Variants in WNT7A observed in about 807,000 individuals in gnomAD.
The protein encoded by WNT7A is protein Wnt-7a.
A neutral mutation model predicts 28.2 loss-of-function variants in WNT7A; 16 were observed. The ratio of observed to expected loss-of-function variants is 0.57; its 90% CI spans 0.38 to 0.86. The LOEUF is 0.86. WNT7A is among the 40% of genes least tolerant of loss of function. The pLI is 0.00. For missense variants in WNT7A, 411 were observed against 489.7 expected (o/e 0.84, Z 1.52); for synonymous variants, 190 against 195.9 (o/e 0.97, Z 0.25).
At chr3:13,850,962 A>G (rs1694627123) in intron 3 of WNT7A, among the ~76,000 whole-genome samples, 3 of 152,052 alleles carry the variant, frequency 2.0e-5, no homozygotes, top group Admixed American at 6.5e-5. Context: ...CCATTTGCCC[A>G]GGCTGTGGCC....
intron 2 of WNT7A, among the ~76,000 whole-genome samples, chr3:13,866,083 TG>T (rs901502902): frequency 2.0e-5 from 3 of 152,182 alleles, no homozygotes; most frequent in Non-Finnish European, 4.4e-5. Context: ...ATCACTCAGC[TG>T]CATCTCCCAA....
intron 3 of WNT7A, among the ~76,000 whole-genome samples, chr3:13,853,112 C>T (rs1249301633): frequency 7.3e-6 from 1 of 137,474 alleles, no homozygotes; most frequent in African/African-American, 2.8e-5. Flanking sequence ...ACAGTGGCTC[C>T]CCAGCAACCA....
intron 3 of WNT7A, among the ~76,000 whole-genome samples, chr3:13,848,231 T>G (rs2124851853): frequency 6.6e-6 from 1 of 152,308 alleles, no homozygotes; most frequent in South Asian, 2.1e-4. Context: ...CAGTTAAAAC[T>G]TATCAAGGTT....
intron 3 of WNT7A, among the ~76,000 whole-genome samples, chr3:13,827,483 G>A (rs936251306): frequency 2.6e-5 from 4 of 152,200 alleles, no homozygotes; most frequent in African/African-American, 9.7e-5. Context: ...ATTACTCAGG[G>A]TGGGGTTCTC....
intron 3 of WNT7A, among the ~76,000 whole-genome samples, chr3:13,851,046 C>A (rs17038710): frequency 0.16 from 24,259 of 152,102 alleles, 2,591 homozygotes; most frequent in East Asian, 0.53. Flanking sequence ...TCCATTACGA[C>A]CCTGTTCCTC....
chr3:13,868,572 G>A (rs1694948819), intron 2 of WNT7A, among the ~76,000 whole-genome samples: 1 of 21,492 alleles, frequency 4.7e-5, no homozygotes, highest in Non-Finnish European at 7.5e-5. Flanking sequence ...GAGAGAGAGA[G>A]AGAGAGAGAG....
rs748441283 is a variant in WNT7A at position 13,819,103 on chromosome 3, C to A, written c.891G>T (p.Thr297=). Reference sequence around the variant, plus strand: ...GGTCACAGCCGCTGGCCTGGGGAGCCGTCTTGTTGCAGGCGCGGCCCTGGG... The same window carrying A: ...GGTCACAGCCGCTGGCCTGGGGAGCAGTCTTGTTGCAGGCGCGGCCCTGGG... ...VGTQGRACNK[T]APQASGCDLM... Residue 297 remains threonine (T), a synonymous_variant, in exon 4 of 4, where the codon ACG becomes ACT. Coordinates refer to ENST00000285018, the MANE Select transcript of WNT7A (RefSeq NM_004625.4). 6.2e-7 allele frequency: 1 copy of A among 1,614,128 alleles called. No homozygotes were observed. The highest frequency in any genetic ancestry group is 8.5e-7 in the Non-Finnish European group (1 of 1,180,014).
Position 13,854,744 on chromosome 3 carries a change from T to C in WNT7A, c.358A>G (p.Thr120Ala), listed in dbSNP as rs756069978. Reference sequence around the variant, plus strand: ...AGGTTGCCCTGGGTACAGGCAGCTGTGATGGCGTGGGCCACGCCGGCGGCA... The same window carrying C: ...AGGTTGCCCTGGGTACAGGCAGCTGCGATGGCGTGGGCCACGCCGGCGGCA... The part of the protein sequence containing the change: ...IIAAGVAHAI[T>A]AACTQGNLSD... The change falls in exon 3 of 4, where the codon ACA becomes GCA. Residue 120 changes from threonine to alanine, a missense_variant. By Grantham distance (58) the Thr-to-Ala change is moderately conservative. Coordinates refer to ENST00000285018, the MANE Select transcript of WNT7A (RefSeq NM_004625.4). 2.5e-6 allele frequency: 4 copies of C among 1,613,934 alleles called. No homozygotes were observed. The Admixed American group carries it at 6.7e-5, about 27-fold the overall frequency.
intron 2 of WNT7A, among the ~76,000 whole-genome samples, chr3:13,872,166 G>T (rs1381629434): frequency 6.6e-6 from 1 of 152,128 alleles, no homozygotes; most frequent in Admixed American, 6.5e-5. Flanking sequence ...CTTGGTGAAT[G>T]CATGAATAAA....
At chr3:13,822,015 A>G (rs1263239943) in intron 3 of WNT7A, among the ~76,000 whole-genome samples, 1 of 152,266 alleles carries the variant, frequency 6.6e-6, no homozygotes, top group African/African-American at 2.4e-5. Flanking sequence ...ACTGGTCCCC[A>G]GGGAAAGGCA....
At chr3:13,873,149 C>T (rs779704168) in intron 2 of WNT7A, among the ~76,000 whole-genome samples, 3 of 151,998 alleles carry the variant, frequency 2.0e-5, no homozygotes, top group Non-Finnish European at 1.5e-5. Flanking sequence ...CTATGTGACC[C>T]GGGACAGTCC....
chr3:13,845,849 G>A lies in WNT7A; in HGVS notation c.570+8683C>T, dbSNP rs866768682. 9.8e-5 allele frequency among the ~76,000 whole-genome samples: 15 copies of A among 152,346 alleles called. No individual in the cohort carries two copies. In the Middle Eastern group the frequency reaches 0.01, roughly 104 times the overall value. The stretch of plus-strand genomic sequence containing the variant: ...TGAGAGACACCGAGGCGAGTCTCAC[G>A]ACTACCTGGAAGGATCGGAGGAGAA... On this transcript the variant is annotated intron_variant, in intron 3 of 3. Coordinates refer to ENST00000285018, the MANE Select transcript of WNT7A (RefSeq NM_004625.4).
chr3:13,825,950 CT>C (rs995611699), intron 3 of WNT7A, among the ~76,000 whole-genome samples: 1 of 152,242 alleles, frequency 6.6e-6, no homozygotes, highest in African/African-American at 2.4e-5. Flanking sequence ...GGCCACACTC[CT>C]CGGGCCAGGT....
At chr3:13,863,642 A>G (rs1575072141) in intron 2 of WNT7A, 1 of 152,198 alleles carries the variant, frequency 6.6e-6, no homozygotes, top group East Asian at 1.9e-4. Flanking sequence ...GCTGCATTCT[A>G]AGCAAGAATA....
chr3:13,860,200 C>T (rs550709289), intron 2 of WNT7A, among the ~76,000 whole-genome samples: 2 of 148,250 alleles, frequency 1.3e-5, no homozygotes, highest in South Asian at 4.3e-4. Flanking sequence ...CATGGTTTTA[C>T]AGTTGAGGAA....
rs201642258 is a variant in WNT7A, at chr3:13,879,833, C to G, written c.-17G>C. 162 of 1,606,156 alleles carry G rather than the reference C, an allele frequency of 1.0e-4. No individual in the cohort carries two copies. The African/African-American group carries it at 1.6e-3, about 15-fold the overall frequency. On this transcript the variant is annotated 5_prime_UTR_variant, in exon 1 of 4. Transcript: ENST00000285018. ...CCGGTTCATAGTCCCGATTGGCCGC[C>G]GGGGCCGCGGGCCGGGCTGTGCTGA...
intron 2 of WNT7A, among the ~76,000 whole-genome samples, chr3:13,860,360 A>G (rs188493979): frequency 6.6e-6 from 1 of 152,334 alleles, no homozygotes; most frequent in East Asian, 1.9e-4. Flanking sequence ...CCCCATGGTT[A>G]GAGATTCTTC....
intron 3 of WNT7A, among the ~76,000 whole-genome samples, chr3:13,853,275 C>T (rs143343690): frequency 7.4e-4 from 112 of 152,282 alleles, no homozygotes; most frequent in African/African-American, 2.6e-3. Context: ...AAGGCAAACT[C>T]GGAGAAAAGG....
chr3:13,830,576 G>A (rs895011785), intron 3 of WNT7A, among the ~76,000 whole-genome samples: 58 of 152,144 alleles, frequency 3.8e-4, no homozygotes, highest in African/African-American at 1.2e-3. Flanking sequence ...GCTTCCCAGT[G>A]GGTGATCCCA....
Sources: allele counts gnomAD v4.1 joint callset (sites outside exome capture counted in the v4.1 genomes callset), GRCh38; gene constraint gnomAD v4.1.1; transcripts MANE v1.5; gene names NCBI Gene and HGNC (gene_info 2026-07-23, HGNC 2026-07-21).